RNF157: variants seen among roughly 807,000 people sequenced by gnomAD.
RNF157 encodes the protein ring finger protein 157.
In RNF157, 55 loss-of-function variants were observed where a neutral mutation model predicts 88.3. The ratio of observed to expected loss-of-function variants is 0.62; its 90% confidence interval spans 0.50 to 0.78. The LOEUF is 0.78. RNF157 is among the 30% of genes least tolerant of loss of function. The pLI, the probability that RNF157 is intolerant of heterozygous loss-of-function variation, is 0.00. For synonymous variants in RNF157, 334 were observed against 341.2 expected, an observed-to-expected ratio of 0.98 and a Z score of 0.23; for missense variants, 788 against 860.8, an observed-to-expected ratio of 0.92 and a Z score of 1.06.
At chr17:76,233,086 AATTTTTTGT>A (rs1165143310) in intron 1 of RNF157, among the ~76,000 whole-genome samples, 1 of 151,962 alleles carries the variant, frequency 6.6e-6, no homozygotes, top group Non-Finnish European at 1.5e-5. Flanking sequence ...ACGCCCAGCT[AATTTTTTGT>A]ATTTTTAGCA....
intron 1 of RNF157, among the ~76,000 whole-genome samples, chr17:76,232,956 T>G (rs1340104629): frequency 6.6e-6 from 1 of 151,884 alleles, no homozygotes; most frequent in Non-Finnish European, 1.5e-5. Context: ...AGTCTTGCTC[T>G]GTCACCCAGG....
At chr17:76,226,738 C>T (rs892205442) in intron 1 of RNF157, 24 of 1,607,594 alleles carry the variant, frequency 1.5e-5, no homozygotes, top group East Asian at 1.1e-4. Context: ...CCCCCAAACC[C>T]GACTGGTCGA....
At chr17:76,210,601 A>AAAAAAAAAAAAAG (rs777083177) in intron 2 of RNF157, among the ~76,000 whole-genome samples, 4 of 148,416 alleles carry the variant, frequency 2.7e-5, no homozygotes, top group East Asian at 2.0e-4. Flanking sequence ...AAAAAAAAAA[A>AAAAAAAAAAAAAG]AAAGAAAGAA....
At chr17:76,180,035 C>T (rs764089998) in intron 2 of RNF157, among the ~76,000 whole-genome samples, 14 of 152,126 alleles carry the variant, frequency 9.2e-5, no homozygotes, top group African/African-American at 1.4e-4. Flanking sequence ...CTGGCATATC[C>T]GGAAACAGGA....
rs536371743 is a variant in RNF157 at position 76,161,668 on chromosome 17, A to C, written c.953-21T>G. 15 of 1,598,974 alleles carry C rather than the reference A, an allele frequency of 9.4e-6. No homozygotes were observed. The African/African-American group carries it at 1.6e-4, about 17-fold the overall frequency. ...GAAGGCTGTGAAGGAGAAAACAGGC[A>C]ATCAGGACATCCTGATACAGGATTA... On this transcript the variant is annotated intron_variant, in intron 10 of 18. Transcript: ENST00000269391. The surrounding 1 kb of genome is among the most constrained non-coding windows in gnomAD (Gnocchi z 4.6).
intron 1 of RNF157, among the ~76,000 whole-genome samples, chr17:76,214,448 AC>A (rs933649593): frequency 7.2e-5 from 11 of 152,130 alleles, no homozygotes; most frequent in African/African-American, 2.4e-4. Flanking sequence ...GTACCCACCC[AC>A]CACTACTGCT....
At chr17:76,168,076 C>A (rs577370352) in intron 3 of RNF157, among the ~76,000 whole-genome samples, 1 of 152,244 alleles carries the variant, frequency 6.6e-6, no homozygotes, top group South Asian at 2.1e-4. Context: ...ATAGTTTCCT[C>A]AAGGCAAAAA....
intron 2 of RNF157, among the ~76,000 whole-genome samples, chr17:76,199,764 C>T (rs537860339): frequency 6.6e-6 from 1 of 152,106 alleles, no homozygotes; most frequent in East Asian, 1.9e-4. Context: ...TACTGGGACC[C>T]CGTCTCTCTG....
At chr17:76,202,126 TCTCACACACA>T (rs2069592001) in intron 2 of RNF157, among the ~76,000 whole-genome samples, 2 of 137,790 alleles carry the variant, frequency 1.5e-5, no homozygotes, top group Middle Eastern at 3.5e-3. Context: ...TCTCTCTCTC[TCTCACACACA>T]CACACACACA....
At chr17:76,192,125 T>C (rs922947407) in intron 2 of RNF157, among the ~76,000 whole-genome samples, 3 of 152,196 alleles carry the variant, frequency 2.0e-5, no homozygotes, top group African/African-American at 4.8e-5. Flanking sequence ...GTGTGCACAC[T>C]TGGTTTCAAT....
At chr17:76,175,043 A>C (rs982466326) in intron 2 of RNF157, among the ~76,000 whole-genome samples, 54 of 152,238 alleles carry the variant, frequency 3.5e-4, no homozygotes, top group African/African-American at 1.3e-3. Flanking sequence ...GGCAATACCA[A>C]AATTAACATT....
At chr17:76,150,769 A>G (rs1313671366) in intron 18 of RNF157, among the ~76,000 whole-genome samples, 1 of 152,198 alleles carries the variant, frequency 6.6e-6, no homozygotes, top group East Asian at 1.9e-4. Flanking sequence ...AGCTCTTAGT[A>G]CCCTGGATAC....
Position 76,152,602 on chromosome 17 carries a change from T to C in RNF157, c.1811-137A>G, listed in dbSNP as rs529857167. 1.0e-4 allele frequency: 63 copies of C among 632,524 alleles called. No homozygotes were observed. In the South Asian group the frequency reaches 1.2e-3, roughly 12 times the overall value. 39.2% of individuals were successfully genotyped at this position (632,524 alleles called of 1,614,324 possible). On this transcript the variant is annotated intron_variant, in intron 17 of 18. Coordinates refer to ENST00000269391, the MANE Select transcript of RNF157 (RefSeq NM_052916.3). ...AAAAAAAAGACAATAATTAAGCGGA[T>C]AAAGAGTGGACAAGAAAGGAATCAC...
At chr17:76,181,964 T>C (rs1329533490) in intron 2 of RNF157, among the ~76,000 whole-genome samples, 2 of 151,722 alleles carry the variant, frequency 1.3e-5, no homozygotes, top group Non-Finnish European at 2.9e-5. Context: ...ACAAAGACAT[T>C]TACCCATTCA....
intron 2 of RNF157, among the ~76,000 whole-genome samples, chr17:76,192,475 C>T (rs908819931): frequency 8.5e-5 from 13 of 152,128 alleles, no homozygotes. Context: ...GTGATTAGAC[C>T]AGCACATACA....
chr17:76,167,914 C>T (rs1450556179), intron 3 of RNF157, 117 bp from the exon 4 acceptor site: 2 of 972,964 alleles, frequency 2.1e-6, no homozygotes, highest in Non-Finnish European at 3.0e-6. Context: ...CATAGGTCTA[C>T]CTCTTCATTC....
chr17:76,223,311 G>T (rs2070021072), intron 1 of RNF157, among the ~76,000 whole-genome samples: 1 of 150,410 alleles, frequency 6.6e-6, no homozygotes, highest in South Asian at 2.1e-4. Context: ...CCTCAGCCTT[G>T]CAAGTAGCTG....
At chr17:76,162,331 C>T (rs542359983) in intron 9 of RNF157, among the ~76,000 whole-genome samples, 18 of 152,232 alleles carry the variant, frequency 1.2e-4, no homozygotes, top group African/African-American at 2.4e-4. Flanking sequence ...TGGTGGAAAC[C>T]GAGTTGGACA....
chr17:76,198,188 A>G, intron 2 of RNF157, among the ~76,000 whole-genome samples: 1 of 152,222 alleles, frequency 6.6e-6, no homozygotes, highest in East Asian at 1.9e-4. Context: ...GACCTGGCCA[A>G]CAAAGGCACT....
Sources: gnomAD v4.1 joint callset for allele counts (sites outside exome capture counted in the v4.1 genomes callset) on GRCh38, gnomAD v4.1.1 for gene constraint, Gnocchi (gnomAD v3.1) non-coding constraint, MANE v1.5 for transcripts, NCBI Gene and HGNC (gene_info 2026-07-23, HGNC 2026-07-21) for gene names.